Variants in CAPN2 observed in about 807,000 individuals in gnomAD.
CAPN2 encodes the protein calpain 2.
In CAPN2, 92 loss-of-function variants were observed where a neutral mutation model predicts 102.3. The ratio of observed to expected loss-of-function variants is 0.90; its 90% confidence interval spans 0.76 to 1.07. CAPN2 has a LOEUF of 1.07. Among genes scored for constraint, CAPN2 ranks in the 50% least tolerant of loss-of-function variants. The probability of loss-of-function intolerance (pLI) is 0.00; values close to 1 mark genes in which losing one functional copy is unlikely to be tolerated. For synonymous variants in CAPN2, 340 were observed against 355.4 expected (o/e 0.96, Z 0.49); for missense variants, 800 against 909.4 (o/e 0.88, Z 1.55).
chr1:223,708,195 T>TC (rs1659653406), upstream of CAPN2, among the ~76,000 whole-genome samples: 1 of 152,092 alleles, frequency 6.6e-6, no homozygotes, highest in Non-Finnish European at 1.5e-5. Context: ...GGAACCTGTG[T>TC]CCCCGCCTTA....
Position 223,754,545 on chromosome 1 carries a change from C to T in CAPN2, c.1136-935C>T, listed in dbSNP as rs902220197. Among the ~76,000 whole-genome samples the T allele has an allele frequency of 5.3e-5, 8 of 152,246 alleles. No individual in the cohort carries two copies. The highest frequency in any genetic ancestry group is 1.2e-4 in the African/African-American group (5 of 41,470). On this transcript the variant is annotated intron_variant, in intron 9 of 20. Coordinates refer to ENST00000295006, the MANE Select transcript of CAPN2 (RefSeq NM_001748.5). The surrounding 1 kb of genome is among the most constrained non-coding windows in gnomAD (Gnocchi z 4.7). ...ATTTACAAAAACAGGCAGCGGCCTT[C>T]GGAGCCATAGCTGCCAACCCCTACA...
intron 15 of CAPN2, among the ~76,000 whole-genome samples, chr1:223,765,252 C>A (rs1661281818): frequency 6.6e-6 from 1 of 152,206 alleles, no homozygotes. Context: ...CCTTTCAGAG[C>A]CAAAGAAGAG....
intron 2 of CAPN2, among the ~76,000 whole-genome samples, chr1:223,729,024 A>T (rs1174086903): frequency 6.6e-6 from 1 of 151,950 alleles, no homozygotes; most frequent in South Asian, 2.1e-4. Context: ...CAGTCCCTCC[A>T]TTCTCGGTCC....
intron 2 of CAPN2, among the ~76,000 whole-genome samples, chr1:223,741,580 G>A (rs1222853256): frequency 2.0e-5 from 3 of 149,328 alleles, no homozygotes; most frequent in African/African-American, 7.4e-5. Context: ...TCAGCCTACC[G>A]AATAGCTGGG....
rs1660341303 is a variant in CAPN2, at chr1:223,731,722, C to T, written c.308-12378C>T. ...CCTCCAGAGTTGACTTACGCGAGGA[C>T]AGAGGTGTGCAGAGGCACGGCAAGC... On this transcript the variant is annotated intron_variant, in intron 2 of 20. Coordinates refer to ENST00000295006, the MANE Select transcript of CAPN2 (RefSeq NM_001748.5). The surrounding 1 kb of genome is among the most constrained non-coding windows in gnomAD (Gnocchi z 4.2). 6.6e-6 allele frequency among the ~76,000 whole-genome samples: 1 copy of T among 152,200 alleles called. No homozygotes were observed. The highest frequency in any genetic ancestry group is 2.1e-4 in the South Asian group (1 of 4,832).
intron 7 of CAPN2, among the ~76,000 whole-genome samples, chr1:223,751,279 G>GA (rs928839708): frequency 6.6e-6 from 1 of 152,066 alleles, no homozygotes. Context: ...GGCTTTCAGG[G>GA]AAAAAAATAC....
At position 223,745,041 on chromosome 1, in the gene CAPN2, C is replaced by CA. The variant is rs35193281; in HGVS notation, c.427-250dup. Among the ~76,000 whole-genome samples the CA allele has an allele frequency of 6.2e-3, 680 of 109,176 alleles. 2 individuals are homozygous for CA. The highest frequency in any genetic ancestry group is 0.048 in the East Asian group (180 of 3,784). The allele number at this position is 109,176 out of a possible 152,430, so 71.6% of individuals were successfully genotyped here. On this transcript the variant is annotated intron_variant, in intron 3 of 20. Transcript: ENST00000295006. Reference sequence around the variant, plus strand: ...GCCTGGGCAGAGCAAGACTTGGTCTCAAAAAAAAAAAAAAACAGCCTAAGG... The same window carrying CA: ...GCCTGGGCAGAGCAAGACTTGGTCTCAAAAAAAAAAAAAAAACAGCCTAAGG...
intron 1 of CAPN2, among the ~76,000 whole-genome samples, chr1:223,703,143 G>T (rs993528983): frequency 1.4e-4 from 21 of 152,148 alleles, no homozygotes; most frequent in Admixed American, 3.3e-4. Context: ...CCCAAAAGCA[G>T]TTTTGCATTC....
At chr1:223,742,498 G>GTGTGTA (rs531707362) in intron 2 of CAPN2, among the ~76,000 whole-genome samples, 1 of 127,272 alleles carries the variant, frequency 7.9e-6, no homozygotes, top group Non-Finnish European at 1.6e-5. Flanking sequence ...ATATATGTGT[G>GTGTGTA]TATATATATA....
rs1187788990 is a variant in CAPN2 at position 223,742,514 on chromosome 1, ATATATTTT to A, written c.308-1584_308-1577del. ...TATATGTGTGTATATATATATATAT[ATATATTTT>A]TTTTTTTTTTTTTGAGACAGGGTCT... On this transcript the variant is annotated intron_variant, in intron 2 of 20. Coordinates refer to ENST00000295006, the MANE Select transcript of CAPN2 (RefSeq NM_001748.5). 5.4e-3 allele frequency among the ~76,000 whole-genome samples: 586 copies of A among 109,426 alleles called. 1 individual carries two copies. The highest frequency in any genetic ancestry group is 8.5e-3 in the Middle Eastern group (2 of 234). The allele number at this position is 109,426 out of a possible 152,430, so 71.8% of individuals were successfully genotyped here.
rs531707362 is a variant in CAPN2, at chr1:223,742,498, G to GTGTGTATA, written c.308-1601_308-1600insGTGTATAT. ...TATTACATATTTTATATATATGTGT[G>GTGTGTATA]TATATATATATATATATATATTTTT... On this transcript the variant is annotated intron_variant, in intron 2 of 20. Transcript: ENST00000295006. Among the ~76,000 whole-genome samples the GTGTGTATA allele has an allele frequency of 6.2e-3, 784 of 127,158 alleles. 5 individuals carry two copies. Among genetic ancestry groups the GTGTGTATA allele is most frequent in the Non-Finnish European group, 0.011 (653 of 60,954 alleles). The allele number at this position is 127,158 out of a possible 152,430, so 83.4% of individuals were successfully genotyped here. A position where few individuals can be genotyped will look rare whatever the true frequency, so the allele number is the denominator to read the frequency against.
intron 2 of CAPN2, among the ~76,000 whole-genome samples, chr1:223,721,397 C>T (rs1339509397): frequency 6.6e-6 from 1 of 152,212 alleles, no homozygotes; most frequent in Non-Finnish European, 1.5e-5. Flanking sequence ...CTTTACTTTG[C>T]ACTGGGTCAC....
At chr1:223,721,454 AC>A (rs1006956128) in intron 2 of CAPN2, among the ~76,000 whole-genome samples, 3 of 152,126 alleles carry the variant, frequency 2.0e-5, no homozygotes, top group African/African-American at 7.2e-5. Flanking sequence ...GAAGGCAGCT[AC>A]CCCAGCCAGG....
intron 13 of CAPN2, 139 bp from the exon 14 acceptor site, chr1:223,762,047 A>G: frequency 1.6e-6 from 1 of 637,106 alleles, no homozygotes; most frequent in East Asian, 2.7e-5. Flanking sequence ...ACCTGATCTT[A>G]ACCCAAATCA....
At chr1:223,750,153 A>G (rs1571805999) in intron 6 of CAPN2, among the ~76,000 whole-genome samples, 1 of 152,300 alleles carries the variant, frequency 6.6e-6, no homozygotes, top group South Asian at 2.1e-4. Context: ...TTTTATTTGA[A>G]AATTTTCACG....
At position 223,719,727 on chromosome 1, in the gene CAPN2, G is replaced by A. The variant is rs952877657; in HGVS notation, c.307+1896G>A. Among the ~76,000 whole-genome samples the A allele has an allele frequency of 8.5e-5, 13 of 152,280 alleles. No individual in the cohort carries two copies. The South Asian group carries it at 1.0e-3, about 12-fold the overall frequency. The stretch of plus-strand genomic sequence containing the variant: ...TTCCTGGGAGAAATTTCCCTCCCAG[G>A]GGAATTATAAACCAGGTGAAATGTA... On this transcript the variant is annotated intron_variant, in intron 2 of 20. Coordinates refer to ENST00000295006, the MANE Select transcript of CAPN2 (RefSeq NM_001748.5).
intron 2 of CAPN2, among the ~76,000 whole-genome samples, chr1:223,738,733 T>C (rs1660529440): frequency 6.6e-6 from 1 of 152,268 alleles, no homozygotes; most frequent in African/African-American, 2.4e-5. Context: ...TGGAGTCTTC[T>C]GTGATCCGAG....
chr1:223,747,213 A>C lies in CAPN2; in HGVS notation c.729+48A>C, dbSNP rs554313096. 5.8e-6 allele frequency: 9 copies of C among 1,540,446 alleles called. No individual in the cohort carries two copies. In the East Asian group the frequency reaches 1.6e-4, roughly 28 times the overall value. On this transcript the variant is annotated intron_variant, in intron 5 of 20. Transcript: ENST00000295006. Reference sequence around the variant, plus strand: ...AGCCTCACCCCATCTGCTCTTGCTGAAGGGAGGCTCCCACAGTGCCCAAGG... The same window carrying C: ...AGCCTCACCCCATCTGCTCTTGCTGCAGGGAGGCTCCCACAGTGCCCAAGG...
chr1:223,723,469 C>G (rs1009854781), intron 2 of CAPN2, among the ~76,000 whole-genome samples: 2 of 152,188 alleles, frequency 1.3e-5, no homozygotes, highest in Admixed American at 1.3e-4. Flanking sequence ...ACCCCCCTTA[C>G]CAGCCTCCCA....
Sources: gnomAD v4.1 joint callset for allele counts (sites outside exome capture counted in the v4.1 genomes callset) on GRCh38, gnomAD v4.1.1 for gene constraint, Gnocchi (gnomAD v3.1) non-coding constraint, MANE v1.5 for transcripts, NCBI Gene and HGNC (gene_info 2026-07-23, HGNC 2026-07-21) for gene names.